Variants in ADGRG5 observed in about 807,000 individuals in gnomAD.
ADGRG5 encodes adhesion G protein-coupled receptor G5, also known as G protein-coupled receptor 114.
Under a neutral mutation model 53.2 loss-of-function variants are expected in ADGRG5, and 37 were observed. The observed-to-expected ratio is 0.70, with a 90% CI of 0.53 to 0.91. ADGRG5 has a LOEUF of 0.91. Among genes scored for constraint, ADGRG5 ranks in the 40% least tolerant of loss-of-function variants. ADGRG5 has a pLI of 0.00. For missense variants in ADGRG5, 614 were observed against 675.8 expected, an observed-to-expected ratio of 0.91 and a Z score of 1.01; for synonymous variants, 277 against 290.4, an observed-to-expected ratio of 0.95 and a Z score of 0.47.
chr16:57,545,137 G>GCCAAATAAATAA (rs2032586774), intron 1 of ADGRG5, among the ~76,000 whole-genome samples: 1 of 152,074 alleles, frequency 6.6e-6, no homozygotes, highest in East Asian at 1.9e-4. Flanking sequence ...AAATAGCACA[G>GCCAAATAAATAA]CCAAATAAAT....
chr16:57,573,390 C>T (rs1325653014), intron 10 of ADGRG5, among the ~76,000 whole-genome samples: 3 of 133,276 alleles, frequency 2.3e-5, no homozygotes, highest in Admixed American at 1.7e-4. Flanking sequence ...GCCAAGATCA[C>T]ATCACTGCAC....
chr16:57,552,324 G>A (rs1278004726), intron 1 of ADGRG5, among the ~76,000 whole-genome samples: 1 of 152,064 alleles, frequency 6.6e-6, no homozygotes, highest in Non-Finnish European at 1.5e-5. Context: ...GATGGCATCC[G>A]CTTCCAATAT....
intron 1 of ADGRG5, among the ~76,000 whole-genome samples, chr16:57,554,595 C>G (rs963081723): frequency 6.6e-6 from 1 of 152,160 alleles, no homozygotes; most frequent in Admixed American, 6.5e-5. Flanking sequence ...CCAGGATGGT[C>G]TCAATCTCCT....
the ADGRG5 span, among the ~76,000 whole-genome samples, chr16:57,532,996 G>A: frequency 6.6e-6 from 1 of 152,212 alleles, no homozygotes; most frequent in African/African-American, 2.4e-5. Flanking sequence ...GCCAGGCCTG[G>A]CACAGGGCTT....
upstream of ADGRG5, among the ~76,000 whole-genome samples, chr16:57,538,472 G>A (rs1439837793): frequency 5.9e-5 from 9 of 152,108 alleles, no homozygotes; most frequent in South Asian, 2.1e-4. Flanking sequence ...AGGTGTGATG[G>A]TACGCTCCTG....
chr16:57,565,504 C>G (rs2146805239), intron 6 of ADGRG5: 1 of 378,876 alleles, frequency 2.6e-6, no homozygotes, highest in African/African-American at 2.1e-5. Context: ...GCAATGGTCT[C>G]CTGTCTTGGC....
At chr16:57,546,320 C>T (rs566727665) in intron 1 of ADGRG5, among the ~76,000 whole-genome samples, 26 of 152,184 alleles carry the variant, frequency 1.7e-4, no homozygotes, top group African/African-American at 6.3e-4. Context: ...GAGACAAGAT[C>T]TTGCTATGTT....
rs144637582 is a variant in ADGRG5, at chr16:57,565,238, G to A, written c.546+88G>A. The A allele has an allele frequency of 1.4e-3, 975 of 706,070 alleles. 14 individuals are homozygous for A. The East Asian group carries it at 0.021, about 15-fold the overall frequency. The allele number at this position is 706,070 out of a possible 1,614,324, so 43.7% of individuals were successfully genotyped here. On this transcript the variant is annotated intron_variant, in intron 6 of 11. Coordinates refer to ENST00000349457, the MANE Select transcript of ADGRG5 (RefSeq NM_001304376.3). The stretch of plus-strand genomic sequence containing the variant: ...CACTGGTTTGACTAGACCCAAACCT[G>A]TGGAACCATCTTGGAAATCCATCAC...
chr16:57,567,650 T>G, intron 8 of ADGRG5, 59 bp downstream of exon 8: 1 of 1,584,512 alleles, frequency 6.3e-7, no homozygotes, highest in Non-Finnish European at 8.6e-7. Context: ...CGCTTCCTTG[T>G]GTCCCATTTA....
chr16:57,556,147 A>AAT (rs2032877841), intron 1 of ADGRG5, among the ~76,000 whole-genome samples: 1 of 152,174 alleles, frequency 6.6e-6, no homozygotes, highest in South Asian at 2.1e-4. Context: ...TAATACACTT[A>AAT]TGATTGGTAT....
chr16:57,531,748 T>C, the ADGRG5 span, among the ~76,000 whole-genome samples: 5 of 152,068 alleles, frequency 3.3e-5, no homozygotes, highest in Admixed American at 1.3e-4. Flanking sequence ...CAGCTCACCT[T>C]CTGTGCTCCT....
At chr16:57,540,439 G>A (rs1304194736), upstream of ADGRG5, among the ~76,000 whole-genome samples, 3 of 152,290 alleles carry the variant, frequency 2.0e-5, no homozygotes, top group African/African-American at 7.2e-5. Flanking sequence ...CCCATATAGG[G>A]AGACACTTTA....
intron 1 of ADGRG5, among the ~76,000 whole-genome samples, chr16:57,554,200 T>C (rs548903490): frequency 6.6e-6 from 1 of 152,200 alleles, no homozygotes; most frequent in Non-Finnish European, 1.5e-5. Context: ...GCAGGTTCTG[T>C]AGTGATAGCC....
Position 57,567,920 on chromosome 16 carries a change from A to T in ADGRG5, c.886A>T (p.Ile296Phe). The T allele has an allele frequency of 6.2e-7, 1 of 1,613,686 alleles. No homozygotes were observed. Among genetic ancestry groups the T allele is most frequent in the Non-Finnish European group, 8.5e-7 (1 of 1,179,912 alleles). Residue 296 changes from isoleucine to phenylalanine, a missense_variant, in exon 9 of 12, where the codon ATC becomes TTC. Physicochemically the swap from Ile to Phe is conservative, Grantham distance 21. Transcript: ENST00000349457. ...GCATGCCTCCGTGCTGCTCCTGAAC[A>T]TCGCCTTCCTGCTGAGCCCCGCATT... ...NLHASVLLLN[I>F]AFLLSPAFAM...
At chr16:57,543,343 T>C (rs1002886266) in intron 1 of ADGRG5, among the ~76,000 whole-genome samples, 10 of 133,450 alleles carry the variant, frequency 7.5e-5, no homozygotes, top group African/African-American at 2.9e-4. Flanking sequence ...AGTGCAGTGG[T>C]GCGATCTCGG....
chr16:57,562,016 G>T (rs905018791), intron 1 of ADGRG5, 40 bp from the exon 2 acceptor site: 2 of 1,168,426 alleles, frequency 1.7e-6, no homozygotes, highest in Non-Finnish European at 2.4e-6. Context: ...GTTAGAGGTT[G>T]CTCTTTTATC....
intron 1 of ADGRG5, among the ~76,000 whole-genome samples, chr16:57,544,117 T>C (rs2032560171): frequency 6.6e-6 from 1 of 152,064 alleles, no homozygotes; most frequent in East Asian, 1.9e-4. Flanking sequence ...TGCCCAACCA[T>C]CTTTGGGAGG....
At position 57,571,789 on chromosome 16, in the gene ADGRG5, C is replaced by T. The variant is rs998999785; in HGVS notation, c.1208+1254C>T. Among the ~76,000 whole-genome samples the T allele has an allele frequency of 7.3e-5, 11 of 151,250 alleles. No individual in the cohort carries two copies. The South Asian group carries it at 8.4e-4, about 12-fold the overall frequency. ...TCCTGTGAGTAGCTGGGATTACAGG[C>T]GCGTGCCACCACGCTCAGTTAATTT... On this transcript the variant is annotated intron_variant, in intron 10 of 11. Transcript: ENST00000349457.
rs1333458927 is a variant in ADGRG5 at position 57,574,658 on chromosome 16, G to A, written c.1209-157G>A. Reference sequence around the variant, plus strand: ...CAGATGTGTCCTCTGATGGTGGCCTGGCTGGAAAGCCGGGTGAGGGGTTTC... The same window carrying A: ...CAGATGTGTCCTCTGATGGTGGCCTAGCTGGAAAGCCGGGTGAGGGGTTTC... On this transcript the variant is annotated intron_variant, in intron 10 of 11. Coordinates refer to ENST00000349457, the MANE Select transcript of ADGRG5 (RefSeq NM_001304376.3). This position sits in a 1 kb window ranked among gnomAD's most constrained non-coding sequence, Gnocchi z 4.4. Among the ~76,000 whole-genome samples the A allele has an allele frequency of 6.6e-6, 1 of 152,248 alleles. No homozygotes were observed. Among genetic ancestry groups the A allele is most frequent in the Non-Finnish European group, 1.5e-5 (1 of 68,040 alleles).
Sources: gnomAD v4.1 joint callset for allele counts (sites outside exome capture counted in the v4.1 genomes callset) on GRCh38, gnomAD v4.1.1 for gene constraint, Gnocchi (gnomAD v3.1) non-coding constraint, MANE v1.5 for transcripts, NCBI Gene and HGNC (gene_info 2026-07-23, HGNC 2026-07-21) for gene names.